The following WDR89 variants were observed in gnomAD, a reference collection of about 807,000 sequenced individuals.
The protein encoded by WDR89 is WD repeat-containing protein 89.
A neutral mutation model predicts 29.1 loss-of-function variants in WDR89; 17 were observed. The observed-to-expected ratio is 0.58, with a 90% CI of 0.40 to 0.88. The LOEUF (loss-of-function observed/expected upper bound fraction) is 0.88, where lower values mean the gene tolerates loss of function less well. Ranked by LOEUF, WDR89 falls within the 40% of genes least tolerant of loss-of-function variation. WDR89 has a pLI of 0.00. For missense variants in WDR89, 396 were observed against 456.3 expected, an observed-to-expected ratio of 0.87 and a Z score of 1.20; for synonymous variants, 138 against 157.8, an observed-to-expected ratio of 0.87 and a Z score of 0.94.
chr14:63,613,833 T>TG (rs1334652659), intron 2 of WDR89, among the ~76,000 whole-genome samples: 1 of 150,938 alleles, frequency 6.6e-6, no homozygotes, highest in African/African-American at 2.4e-5. Flanking sequence ...TTTTTTTTTT[T>TG]TTTTTTTTTT....
At position 63,624,954 on chromosome 14, in the gene WDR89, C is replaced by T. The variant is rs1882933522; in HGVS notation, c.-58G>A. The stretch of plus-strand genomic sequence containing the variant: ...CAGCAAGCCCACTTTTAGGTATTTA[C>T]TCAAGAGAAATGACAACTTATGTCC... On this transcript the variant is annotated 5_prime_UTR_variant, in exon 2 of 3. Transcript: ENST00000620954. The T allele has an allele frequency of 6.6e-6, 1 of 152,002 alleles. No homozygotes were observed. Among genetic ancestry groups the T allele is most frequent in the African/African-American group, 2.4e-5 (1 of 41,388 alleles). 9.4% of individuals were successfully genotyped at this position (152,002 alleles called of 1,614,324 possible).
intron 1 of WDR89, among the ~76,000 whole-genome samples, 164 bp from the exon 2 acceptor site, chr14:63,625,197 T>C (rs554309091): frequency 1.3e-5 from 2 of 152,240 alleles, no homozygotes; most frequent in East Asian, 1.9e-4. Context: ...TAGAGATATA[T>C]GTAACATAAA....
At chr14:63,631,583 T>TG (rs1883408034) in intron 1 of WDR89, among the ~76,000 whole-genome samples, 1 of 152,052 alleles carries the variant, frequency 6.6e-6, no homozygotes, top group Non-Finnish European at 1.5e-5. Flanking sequence ...GGTCTTGCTA[T>TG]GTTGCTCAGG....
chr14:63,598,583 A>G lies in WDR89; in HGVS notation c.*196T>C, dbSNP rs1438829520. ...AAGAAATTTTACTTTCAACTCACTGATTTTATACTTAGAGGCTTTAAAATT... is the reference window on the plus strand; with the variant it reads ...AAGAAATTTTACTTTCAACTCACTGGTTTTATACTTAGAGGCTTTAAAATT... On this transcript the variant is annotated 3_prime_UTR_variant, in exon 3 of 3. Coordinates refer to ENST00000620954, the MANE Select transcript of WDR89 (RefSeq NM_080666.4). 4.7e-6 allele frequency: 2 copies of G among 424,198 alleles called. No homozygotes were observed. Among genetic ancestry groups the G allele is most frequent in the African/African-American group, 4.1e-5 (2 of 48,994 alleles). The allele number at this position is 424,198 out of a possible 1,614,324, so 26.3% of individuals were successfully genotyped here. A position where few individuals can be genotyped will look rare whatever the true frequency, so the allele number is the denominator to read the frequency against.
chr14:63,604,373 A>G (rs1004493704), intron 2 of WDR89, among the ~76,000 whole-genome samples: 2 of 152,184 alleles, frequency 1.3e-5, no homozygotes, highest in Non-Finnish European at 2.9e-5. Flanking sequence ...AGATCATGCC[A>G]CTGCACTCCA....
At chr14:63,634,449 G>A (rs954755803) in intron 1 of WDR89, among the ~76,000 whole-genome samples, 1 of 151,814 alleles carries the variant, frequency 6.6e-6, no homozygotes, top group South Asian at 2.1e-4. Flanking sequence ...CTTGAACCAG[G>A]AGGCAGAGGT....
At chr14:63,624,474 A>C (rs943801545) in intron 2 of WDR89, among the ~76,000 whole-genome samples, 2 of 151,358 alleles carry the variant, frequency 1.3e-5, no homozygotes, top group African/African-American at 4.9e-5. Flanking sequence ...TCAAAAAAAA[A>C]AAAACCACAA....
intron 2 of WDR89, among the ~76,000 whole-genome samples, chr14:63,617,233 C>T (rs1882378489): frequency 6.6e-6 from 1 of 151,848 alleles, no homozygotes; most frequent in African/African-American, 2.4e-5. Flanking sequence ...CATGCACCAC[C>T]ATGTCTGGCT....
At chr14:63,636,912 G>C (rs1883770537) in intron 1 of WDR89, among the ~76,000 whole-genome samples, 1 of 152,132 alleles carries the variant, frequency 6.6e-6, no homozygotes. Context: ...AAGATAAATA[G>C]CTGGGACATA....
intron 2 of WDR89, chr14:63,621,690 A>G (rs1273186144): frequency 6.6e-6 from 1 of 152,142 alleles, no homozygotes; most frequent in Non-Finnish European, 1.5e-5. Flanking sequence ...GGACAGAAAA[A>G]CCTACCAACA....
chr14:63,631,187 A>G (rs565454872), intron 1 of WDR89, among the ~76,000 whole-genome samples: 8 of 152,354 alleles, frequency 5.3e-5, no homozygotes, highest in Middle Eastern at 6.8e-3. Context: ...AAGTATACGT[A>G]TATCAAAACA....
intron 2 of WDR89, among the ~76,000 whole-genome samples, chr14:63,612,057 T>C (rs1019468866): frequency 3.3e-5 from 5 of 152,036 alleles, no homozygotes; most frequent in African/African-American, 9.7e-5. Flanking sequence ...ATCATTGATG[T>C]TTATAGTTCT....
intron 2 of WDR89, among the ~76,000 whole-genome samples, chr14:63,618,753 C>T (rs1442936819): frequency 2.6e-5 from 4 of 151,914 alleles, no homozygotes; most frequent in African/African-American, 4.8e-5. Flanking sequence ...GAAAGCCATA[C>T]CAAGCCACAT....
intron 2 of WDR89, among the ~76,000 whole-genome samples, chr14:63,617,885 G>T (rs1248130424): frequency 6.6e-6 from 1 of 152,054 alleles, no homozygotes; most frequent in Non-Finnish European, 1.5e-5. Flanking sequence ...GGTACTACAG[G>T]ATTTCATTTA....
At chr14:63,611,033 T>C (rs1049856763) in intron 2 of WDR89, among the ~76,000 whole-genome samples, 5 of 152,076 alleles carry the variant, frequency 3.3e-5, no homozygotes, top group Admixed American at 2.6e-4. Flanking sequence ...ACTTGGCCAG[T>C]ACTCTTCAAA....
chr14:63,609,013 G>C (rs887418184), intron 2 of WDR89, among the ~76,000 whole-genome samples: 3 of 151,982 alleles, frequency 2.0e-5, no homozygotes, highest in African/African-American at 7.3e-5. Flanking sequence ...GCAGGGGAAT[G>C]AGGCAAGGGA....
intron 1 of WDR89, among the ~76,000 whole-genome samples, chr14:63,630,400 T>C (rs1883319061): frequency 6.7e-6 from 1 of 149,114 alleles, no homozygotes; most frequent in Admixed American, 6.7e-5. Flanking sequence ...CACAGCACTT[T>C]GGGAGGCCAA....
chr14:63,612,422 C>G (rs903893303), intron 2 of WDR89, among the ~76,000 whole-genome samples: 12 of 151,078 alleles, frequency 7.9e-5, no homozygotes, highest in African/African-American at 2.9e-4. Context: ...GCCTCCCGGG[C>G]TAGAGTGTAG....
In WDR89 at chr14:63,637,498, C is replaced by T. The variant is rs148419519; in HGVS notation, c.-138+4306G>A. On this transcript the variant is annotated intron_variant, in intron 1 of 2. Transcript: ENST00000620954. ...GCAGCACAATTCACAACTGCATAAT[C>T]GTGGAACCAATCCAAATGCCCATCA... Among the ~76,000 whole-genome samples the T allele has an allele frequency of 6.3e-3, 955 of 152,258 alleles. 2 individuals carry two copies. The highest frequency in any genetic ancestry group is 9.9e-3 in the Non-Finnish European group (671 of 68,020).
Sources: allele counts gnomAD v4.1 joint callset (sites outside exome capture counted in the v4.1 genomes callset), GRCh38; gene constraint gnomAD v4.1.1; transcripts MANE v1.5; gene names NCBI Gene and HGNC (gene_info 2026-07-23, HGNC 2026-07-21).